STX8: variants seen among roughly 807,000 people sequenced by gnomAD.
STX8 encodes the protein syntaxin-8.
Under a neutral mutation model 37.5 loss-of-function variants are expected in STX8, and 23 were observed. The observed-to-expected ratio is 0.61, with a 90% confidence interval of 0.44 to 0.87. STX8 has a LOEUF of 0.87. Ranked by LOEUF, STX8 falls within the 40% of genes least tolerant of loss-of-function variation. The pLI is 0.00. For missense variants in STX8, 313 were observed against 284.7 expected (o/e 1.10, Z -0.71); for synonymous variants, 115 against 99.1 (o/e 1.16, Z -0.95).
intron 6 of STX8, among the ~76,000 whole-genome samples, chr17:9,423,620 G>A (rs1041201193): frequency 1.4e-4 from 22 of 152,120 alleles, no homozygotes; most frequent in Admixed American, 5.2e-4. Context: ...CACCGTGCCC[G>A]GCCAAATGTT....
At chr17:9,291,822 T>C (rs1007438426) in intron 7 of STX8, among the ~76,000 whole-genome samples, 1 of 152,216 alleles carries the variant, frequency 6.6e-6, no homozygotes, top group African/African-American at 2.4e-5. Context: ...AACTGGGCTT[T>C]GAACAGTCCA....
chr17:9,453,463 T>C (rs1905102833), intron 6 of STX8, among the ~76,000 whole-genome samples: 4 of 151,594 alleles, frequency 2.6e-5, no homozygotes, highest in Non-Finnish European at 5.9e-5. Context: ...TCAAGAGCAC[T>C]TTATACCTCC....
chr17:9,518,846 G>A (rs1905235867), intron 4 of STX8, among the ~76,000 whole-genome samples: 1 of 150,792 alleles, frequency 6.6e-6, no homozygotes, highest in South Asian at 2.1e-4. Flanking sequence ...TCCAGCCTGG[G>A]CGGCAGAGCG....
At chr17:9,271,448 G>A (rs534523171) in intron 7 of STX8, among the ~76,000 whole-genome samples, 130 of 151,812 alleles carry the variant, frequency 8.6e-4, no homozygotes, top group African/African-American at 3.1e-3. Context: ...GTGAGACCCT[G>A]TCTCAAAAAA....
intron 7 of STX8, among the ~76,000 whole-genome samples, chr17:9,286,561 T>G (rs1274984816): frequency 6.6e-6 from 1 of 152,190 alleles, no homozygotes; most frequent in Non-Finnish European, 1.5e-5. Flanking sequence ...GTTTGATAGC[T>G]TGTAAGCTCA....
rs549373860 is a variant in STX8 at position 9,337,402 on chromosome 17, C to T, written c.643+41150G>A. ...CTTATTTTATTTCTTTTTTTGAGAT[C>T]GAGTCTCATTCTGTTGCCCAGGCTA... On this transcript the variant is annotated intron_variant, in intron 7 of 7. Transcript: ENST00000306357. Among the ~76,000 whole-genome samples the T allele has an allele frequency of 3.3e-5, 5 of 152,150 alleles. No homozygotes were observed. In the East Asian group the frequency reaches 7.7e-4, roughly 24 times the overall value.
At chr17:9,297,721 G>A (rs1470022763) in intron 7 of STX8, among the ~76,000 whole-genome samples, 9 of 152,114 alleles carry the variant, frequency 5.9e-5, no homozygotes, top group African/African-American at 2.2e-4. Context: ...AAAAATAACA[G>A]TAAAATTAGC....
chr17:9,511,244 A>G lies in STX8; in HGVS notation c.324-6082T>C, dbSNP rs553154147. Among the ~76,000 whole-genome samples the G allele has an allele frequency of 2.0e-5, 3 of 152,230 alleles. No homozygotes were observed. In the South Asian group the frequency reaches 6.2e-4, roughly 32 times the overall value. On this transcript the variant is annotated intron_variant, in intron 4 of 7. Coordinates refer to ENST00000306357, the MANE Select transcript of STX8 (RefSeq NM_004853.3). ...CAAAAAATTGAAGTGAGGGTATTCT[A>G]CCTAACTCATGCTAAGAGGCCAGAA... is the stretch of plus-strand genomic sequence containing the variant.
At chr17:9,359,054 T>C (rs1910974200) in intron 7 of STX8, among the ~76,000 whole-genome samples, 1 of 152,046 alleles carries the variant, frequency 6.6e-6, no homozygotes, top group East Asian at 1.9e-4. Context: ...TTTTCTTTTT[T>C]TTTTTGAGAT....
chr17:9,539,579 T>C (rs1034065063), intron 4 of STX8, among the ~76,000 whole-genome samples: 2 of 152,188 alleles, frequency 1.3e-5, no homozygotes, highest in Non-Finnish European at 2.9e-5. Context: ...TGACAAGGCT[T>C]TCTGGCCACC....
chr17:9,484,387 A>C, intron 6 of STX8, among the ~76,000 whole-genome samples: 1 of 150,482 alleles, frequency 6.6e-6, no homozygotes, highest in African/African-American at 2.4e-5. Context: ...CTAAGCTCAA[A>C]AAAAAAAAAA....
At position 9,383,377 on chromosome 17, in the gene STX8, G is replaced by A. The variant is rs530260367; in HGVS notation, c.542-4724C>T. On this transcript the variant is annotated intron_variant, in intron 6 of 7. Transcript: ENST00000306357. ...ATCAGACTCAAGGAGCTAATAGTAT[G>A]ATCATCTCAATAAATGCAGACAAAG... Among the ~76,000 whole-genome samples, 19 of 152,300 alleles carry A rather than the reference G, an allele frequency of 1.2e-4. No individual in the cohort carries two copies. In the South Asian group the frequency reaches 3.3e-3, roughly 27 times the overall value.
At chr17:9,264,225 A>AGCAGAGCCCTTTTCAAATTCCT (rs1371395379) in intron 7 of STX8, among the ~76,000 whole-genome samples, 4 of 152,264 alleles carry the variant, frequency 2.6e-5, no homozygotes, top group African/African-American at 7.2e-5. Context: ...AGAGCCAGGC[A>AGCAGAGCCCTTTTCAAATTCCT]GCAGAGCCCT....
chr17:9,503,465 GATC>G (rs1378914949), intron 5 of STX8, among the ~76,000 whole-genome samples: 3 of 152,146 alleles, frequency 2.0e-5, no homozygotes, highest in African/African-American at 7.2e-5. Context: ...GGCCATTTAT[GATC>G]ATATCAACTA....
At chr17:9,385,995 A>G (rs945902820) in intron 6 of STX8, among the ~76,000 whole-genome samples, 6 of 151,932 alleles carry the variant, frequency 3.9e-5, no homozygotes, top group African/African-American at 1.2e-4. Context: ...GCTGGTCTTG[A>G]ACTCCTAACC....
At chr17:9,471,031 C>CTCTTT (rs1905835200) in intron 6 of STX8, among the ~76,000 whole-genome samples, 1 of 33,054 alleles carries the variant, frequency 3.0e-5, no homozygotes, top group African/African-American at 1.1e-4. Flanking sequence ...CTGCATCCTG[C>CTCTTT]TTTTTTTTTT....
At chr17:9,351,142 T>C (rs1910692990) in intron 7 of STX8, among the ~76,000 whole-genome samples, 2 of 151,366 alleles carry the variant, frequency 1.3e-5, no homozygotes, top group South Asian at 2.1e-4. Context: ...TGGTTATATG[T>C]AATAATGTCA....
chr17:9,456,156 T>C (rs1366353812), intron 6 of STX8, among the ~76,000 whole-genome samples: 1 of 151,828 alleles, frequency 6.6e-6, no homozygotes, highest in Non-Finnish European at 1.5e-5. Context: ...CTGGGTGTCA[T>C]GATAAGAGAA....
chr17:9,303,970 G>T (rs1908870939), intron 7 of STX8, among the ~76,000 whole-genome samples: 1 of 149,760 alleles, frequency 6.7e-6, no homozygotes, highest in East Asian at 2.0e-4. Context: ...AACTTTTCAT[G>T]ACAAAAAAAA....
Sources: allele counts gnomAD v4.1 joint callset (sites outside exome capture counted in the v4.1 genomes callset), GRCh38; gene constraint gnomAD v4.1.1; transcripts MANE v1.5; gene names NCBI Gene and HGNC (gene_info 2026-07-23, HGNC 2026-07-21).